The following SYNPR variants were observed in gnomAD, a reference collection of about 807,000 sequenced individuals.
SYNPR encodes the protein synaptoporin.
In SYNPR, 23 loss-of-function variants were observed where a neutral mutation model predicts 32.9. That is an observed-to-expected ratio of 0.70 (90% CI 0.50 to 0.99). The LOEUF is 0.99. SYNPR is among the 50% of genes least tolerant of loss of function. The pLI, the probability that SYNPR is intolerant of heterozygous loss-of-function variation, is 0.00. For synonymous variants in SYNPR, 146 were observed against 135.9 expected (o/e 1.07, Z -0.52); for missense variants, 318 against 349.3 (o/e 0.91, Z 0.71).
chr3:63,608,413 C>T (rs1266398827), intron 4 of SYNPR, among the ~76,000 whole-genome samples: 1 of 152,166 alleles, frequency 6.6e-6, no homozygotes, highest in Non-Finnish European at 1.5e-5. Context: ...TTAAAATGGG[C>T]ATAAGAATAC....
chr3:63,278,202 C>T (rs571225506), upstream of SYNPR: 104 of 271,702 alleles, frequency 3.8e-4, 1 homozygote, highest in African/African-American at 2.2e-3. Context: ...CGCCCACCTC[C>T]TCGCCCTCCC....
chr3:63,443,730 T>G (rs1320854511), intron 2 of SYNPR, among the ~76,000 whole-genome samples: 1 of 152,240 alleles, frequency 6.6e-6, no homozygotes, highest in Non-Finnish European at 1.5e-5. Flanking sequence ...AGGAAACTAT[T>G]TAAGCAAACT....
At chr3:63,492,358 G>T (rs544770635) in intron 3 of SYNPR, among the ~76,000 whole-genome samples, 1 of 152,270 alleles carries the variant, frequency 6.6e-6, no homozygotes, top group East Asian at 1.9e-4. Context: ...GAGAGAGTTA[G>T]ACCTCTAATT....
At chr3:63,487,492 A>G (rs568233764) in intron 3 of SYNPR, among the ~76,000 whole-genome samples, 1 of 152,362 alleles carries the variant, frequency 6.6e-6, no homozygotes, top group Non-Finnish European at 1.5e-5. Flanking sequence ...ATTAAAAATC[A>G]ACTAGAGTGC....
chr3:63,221,715 G>A, the SYNPR span, among the ~76,000 whole-genome samples: 1 of 152,066 alleles, frequency 6.6e-6, no homozygotes, highest in African/African-American at 2.4e-5. Context: ...CTAAATGCAT[G>A]GACTCTTTAG....
At chr3:63,435,827 C>A (rs1245352834) in intron 2 of SYNPR, among the ~76,000 whole-genome samples, 2 of 152,152 alleles carry the variant, frequency 1.3e-5, no homozygotes, top group Non-Finnish European at 2.9e-5. Flanking sequence ...TGTTCATATA[C>A]CTACCTTTAT....
chr3:63,467,045 C>T (rs1433138907), intron 2 of SYNPR, among the ~76,000 whole-genome samples: 1 of 152,114 alleles, frequency 6.6e-6, no homozygotes, highest in African/African-American at 2.4e-5. Flanking sequence ...GGGACTCACT[C>T]TGCTGCCTAG....
intron 2 of SYNPR, among the ~76,000 whole-genome samples, chr3:63,413,776 G>C (rs1346738716): frequency 6.6e-6 from 1 of 152,112 alleles, no homozygotes; most frequent in Admixed American, 6.6e-5. Flanking sequence ...AGAGGAACTG[G>C]AAAGAAAGAT....
Position 63,494,405 on chromosome 3 carries a change from A to ATATATATACG in SYNPR, c.209+13457_209+13458insCGTATATATA, listed in dbSNP as rs1559516207. On this transcript the variant is annotated intron_variant, in intron 3 of 5. Transcript: ENST00000478300. ...GATATGTTAATTCTTATATATATAT[A>ATATATATACG]TATATATATATACGTATATATATAT... 1.4e-3 allele frequency among the ~76,000 whole-genome samples: 72 copies of ATATATATACG among 53,222 alleles called. 1 individual carries two copies. The highest frequency in any genetic ancestry group is 6.9e-3 in the African/African-American group (69 of 10,002). 34.9% of individuals were successfully genotyped at this position (53,222 alleles called of 152,430 possible). A position where few individuals can be genotyped will look rare whatever the true frequency, so the allele number is the denominator to read the frequency against.
chr3:63,267,933 A>G (rs1575581082), intron 3 of SYNPR, among the ~76,000 whole-genome samples: 2 of 152,346 alleles, frequency 1.3e-5, no homozygotes, highest in East Asian at 1.9e-4. Context: ...AAAAAAAGCA[A>G]CTTGTTCAGT....
chr3:63,352,424 T>G (rs1461210957), intron 2 of SYNPR, among the ~76,000 whole-genome samples: 3 of 152,180 alleles, frequency 2.0e-5, no homozygotes, highest in South Asian at 2.1e-4. Flanking sequence ...ATGGTTCAGA[T>G]GCAAGTAGTC....
At chr3:63,274,821 C>T (rs1310156086), upstream of SYNPR, among the ~76,000 whole-genome samples, 1 of 152,210 alleles carries the variant, frequency 6.6e-6, no homozygotes, top group East Asian at 1.9e-4. Context: ...CCAGTAGTGT[C>T]ATCTCCATCC....
intron 2 of SYNPR, among the ~76,000 whole-genome samples, chr3:63,302,478 G>GAA (rs1346855399): frequency 6.6e-6 from 1 of 152,042 alleles, no homozygotes; most frequent in East Asian, 1.9e-4. Context: ...ATAAGTTGCA[G>GAA]AAACAGGATT....
chr3:63,445,632 C>G (rs1288919587), intron 2 of SYNPR: 1 of 642,910 alleles, frequency 1.6e-6, no homozygotes, highest in Non-Finnish European at 2.8e-6. Context: ...GGCTTATCCC[C>G]TTTAATCTTG....
At chr3:63,265,255 T>TTTTTTTTTTTTTG in intron 2 of SYNPR, among the ~76,000 whole-genome samples, 1 of 142,514 alleles carries the variant, frequency 7.0e-6, no homozygotes, top group Non-Finnish European at 1.5e-5. Flanking sequence ...TTTTTTTTTT[T>TTTTTTTTTTTTTG]TTTTTTTTTT....
At chr3:63,429,710 A>G (rs1575639426) in intron 2 of SYNPR, among the ~76,000 whole-genome samples, 1 of 152,246 alleles carries the variant, frequency 6.6e-6, no homozygotes, top group African/African-American at 2.4e-5. Flanking sequence ...CCAGAATGCA[A>G]CGACATCCTC....
At chr3:63,387,450 C>A (rs1268753257) in intron 2 of SYNPR, among the ~76,000 whole-genome samples, 1 of 152,188 alleles carries the variant, frequency 6.6e-6, no homozygotes, top group Non-Finnish European at 1.5e-5. Context: ...GTAGCCCCTA[C>A]CTCTTTTGAT....
At chr3:63,611,662 T>G (rs907948203) in intron 5 of SYNPR, among the ~76,000 whole-genome samples, 1 of 152,184 alleles carries the variant, frequency 6.6e-6, no homozygotes, top group Non-Finnish European at 1.5e-5. Flanking sequence ...TACATTATTC[T>G]CTCTTTTCAG....
chr3:63,398,131 C>T (rs2088241373), intron 2 of SYNPR, among the ~76,000 whole-genome samples: 1 of 152,106 alleles, frequency 6.6e-6, no homozygotes, highest in African/African-American at 2.4e-5. Flanking sequence ...CATGGCTCAC[C>T]CCAAGTTTGA....
Sources: allele counts gnomAD v4.1 joint callset (sites outside exome capture counted in the v4.1 genomes callset), GRCh38; gene constraint gnomAD v4.1.1; transcripts MANE v1.5; gene names NCBI Gene and HGNC (gene_info 2026-07-23, HGNC 2026-07-21).